Variants in TSHZ2 observed in about 807,000 individuals in gnomAD.
The protein encoded by TSHZ2 is teashirt zinc finger homeobox 2.
A neutral mutation model predicts 74.4 loss-of-function variants in TSHZ2; 21 were observed. The observed-to-expected ratio is 0.28, with a 90% CI of 0.20 to 0.41. TSHZ2 has a LOEUF of 0.41. Ranked by LOEUF, TSHZ2 falls within the 10% of genes least tolerant of loss-of-function variation. The pLI is 1.00. For missense variants in TSHZ2, 1,244 were observed against 1,293.5 expected, an observed-to-expected ratio of 0.96 and a Z score of 0.59; for synonymous variants, 540 against 515.3, an observed-to-expected ratio of 1.05 and a Z score of -0.65.
At chr20:53,100,520 T>C (rs936835736) in intron 1 of TSHZ2, among the ~76,000 whole-genome samples, 9 of 152,224 alleles carry the variant, frequency 5.9e-5, no homozygotes, top group African/African-American at 2.2e-4. Context: ...GGCAAGCTCC[T>C]GTTTTAGCAG....
intron 1 of TSHZ2, among the ~76,000 whole-genome samples, chr20:53,204,452 G>T (rs1989114636): frequency 6.7e-6 from 1 of 149,226 alleles, no homozygotes; most frequent in South Asian, 2.1e-4. Flanking sequence ...ATAATATTTT[G>T]GACATACTAG....
At chr20:53,049,312 T>C (rs1260482507) in intron 1 of TSHZ2, among the ~76,000 whole-genome samples, 4 of 152,042 alleles carry the variant, frequency 2.6e-5, no homozygotes, top group Admixed American at 2.6e-4. Flanking sequence ...TGCAACATGT[T>C]CTGACTGGGC....
intron 1 of TSHZ2, among the ~76,000 whole-genome samples, chr20:53,148,955 G>A (rs1987610293): frequency 6.6e-6 from 1 of 152,134 alleles, no homozygotes; most frequent in South Asian, 2.1e-4. Flanking sequence ...CACAGGAGGA[G>A]GTGAGAATTT....
chr20:53,223,392 C>CCATT (rs1568821045), intron 1 of TSHZ2, among the ~76,000 whole-genome samples: 1 of 152,052 alleles, frequency 6.6e-6, no homozygotes, highest in Non-Finnish European at 1.5e-5. Flanking sequence ...CTGACCCACT[C>CCATT]CATTTATTTA....
intron 1 of TSHZ2, among the ~76,000 whole-genome samples, chr20:53,025,629 A>T (rs1983411164): frequency 1.3e-5 from 2 of 152,210 alleles, no homozygotes; most frequent in South Asian, 4.1e-4. Context: ...ACAAGTCAGG[A>T]CACCAGTGTC....
intron 2 of TSHZ2, among the ~76,000 whole-genome samples, chr20:53,378,517 T>C (rs920175556): frequency 2.6e-5 from 4 of 152,140 alleles, no homozygotes; most frequent in East Asian, 3.9e-4. Flanking sequence ...CCCCAACAGG[T>C]TTTCCCCCTG....
chr20:53,051,453 G>GCACA (rs1343176322), intron 1 of TSHZ2, among the ~76,000 whole-genome samples: 5,752 of 102,860 alleles, frequency 0.056, 189 homozygotes, highest in East Asian at 0.17. Context: ...ACTCTGTGGC[G>GCACA]CACGCACACA....
At chr20:53,147,624 C>G (rs1232029069) in intron 1 of TSHZ2, among the ~76,000 whole-genome samples, 1 of 152,162 alleles carries the variant, frequency 6.6e-6, no homozygotes, top group Non-Finnish European at 1.5e-5. Flanking sequence ...TTGTGTGAGA[C>G]TAAGATTTCT....
At chr20:53,032,344 T>C (rs552011568) in intron 1 of TSHZ2, among the ~76,000 whole-genome samples, 20 of 152,324 alleles carry the variant, frequency 1.3e-4, no homozygotes, top group African/African-American at 4.8e-4. Flanking sequence ...ATAGCCCCCA[T>C]AACCTTCAGG....
At chr20:53,066,250 C>T (rs966850816) in intron 1 of TSHZ2, among the ~76,000 whole-genome samples, 1 of 149,752 alleles carries the variant, frequency 6.7e-6, no homozygotes, top group Non-Finnish European at 1.5e-5. Flanking sequence ...ATGCTCCCTC[C>T]GACCCCCGAC....
intron 1 of TSHZ2, chr20:53,178,810 C>A (rs1331591575): frequency 6.6e-6 from 1 of 152,178 alleles, no homozygotes; most frequent in Non-Finnish European, 1.5e-5. Flanking sequence ...GTCATAGCAT[C>A]GCCAAATGAT....
chr20:53,394,781 CTG>C (rs887486316), intron 2 of TSHZ2, among the ~76,000 whole-genome samples: 3 of 109,358 alleles, frequency 2.7e-5, no homozygotes, highest in African/African-American at 5.3e-5. Context: ...AAAAAAAAAA[CTG>C]TTCTTCAATT....
At chr20:53,292,889 AGGCTC>A (rs1364314287) in intron 2 of TSHZ2, among the ~76,000 whole-genome samples, 8 of 152,358 alleles carry the variant, frequency 5.3e-5, no homozygotes, top group African/African-American at 1.9e-4. Flanking sequence ...GTGAGTAGCA[AGGCTC>A]AGATAAAAGT....
At chr20:53,141,993 G>T (rs914725934) in intron 1 of TSHZ2, among the ~76,000 whole-genome samples, 1 of 152,190 alleles carries the variant, frequency 6.6e-6, no homozygotes, top group African/African-American at 2.4e-5. Context: ...ACGGTGGTGG[G>T]GGGCTCTGCT....
chr20:53,473,038 G>A (rs1445515501), intron 2 of TSHZ2, among the ~76,000 whole-genome samples: 2 of 150,906 alleles, frequency 1.3e-5, no homozygotes, highest in African/African-American at 4.9e-5. Flanking sequence ...TGCTAGCACA[G>A]CAGTCTGAGA....
At chr20:53,340,173 C>CTTTTTTTT (rs1285149762) in intron 2 of TSHZ2, among the ~76,000 whole-genome samples, 1 of 62,122 alleles carries the variant, frequency 1.6e-5, no homozygotes, top group African/African-American at 7.9e-5. Context: ...GGTGACTTTT[C>CTTTTTTTT]TTTCTTTTTT....
intron 2 of TSHZ2, among the ~76,000 whole-genome samples, chr20:53,349,854 A>G (rs770084880): frequency 1.3e-5 from 2 of 152,210 alleles, no homozygotes; most frequent in Admixed American, 1.3e-4. Context: ...ATTATCTTTC[A>G]GTTCCAGAAG....
intron 1 of TSHZ2, among the ~76,000 whole-genome samples, chr20:53,140,365 C>G (rs977493280): frequency 6.6e-6 from 1 of 151,582 alleles, no homozygotes; most frequent in African/African-American, 2.4e-5. Flanking sequence ...ACGGTGAAAC[C>G]CTGTCTCTAC....
At chr20:53,193,996 C>T (rs1258347538) in intron 1 of TSHZ2, among the ~76,000 whole-genome samples, 2 of 152,166 alleles carry the variant, frequency 1.3e-5, no homozygotes, top group African/African-American at 2.4e-5. Context: ...TATTGCTTGA[C>T]CTATGTGTGT....
Sources: gnomAD v4.1 joint callset for allele counts (sites outside exome capture counted in the v4.1 genomes callset) on GRCh38, gnomAD v4.1.1 for gene constraint, MANE v1.5 for transcripts, NCBI Gene and HGNC (gene_info 2026-07-23, HGNC 2026-07-21) for gene names.